CLINT1: variants seen among roughly 807,000 people sequenced by gnomAD.
The protein encoded by CLINT1 is clathrin interactor 1.
CLINT1 carries 15 observed loss-of-function variants against 70.4 expected under a neutral mutation model. That is an observed-to-expected ratio of 0.21 (90% CI 0.14 to 0.33). The LOEUF (loss-of-function observed/expected upper bound fraction) is 0.33, where lower values mean the gene tolerates loss of function less well. Ranked by LOEUF, CLINT1 falls within the 10% of genes least tolerant of loss-of-function variation. The pLI is 1.00. For missense variants in CLINT1, 615 were observed against 778.1 expected, an observed-to-expected ratio of 0.79 and a Z score of 2.49; for synonymous variants, 227 against 254.7, an observed-to-expected ratio of 0.89 and a Z score of 1.04.
intron 1 of CLINT1, among the ~76,000 whole-genome samples, chr5:157,847,885 T>C (rs1168864354): frequency 6.6e-6 from 1 of 152,124 alleles, no homozygotes; most frequent in Non-Finnish European, 1.5e-5. Flanking sequence ...CCATCACTGT[T>C]CACTGCAGCC....
rs1761736775 is a variant in CLINT1 at position 157,786,693 on chromosome 5, C to A, written c.*953G>T. The A allele has an allele frequency of 6.6e-6, 1 of 152,320 alleles. No homozygotes were observed. Among genetic ancestry groups the A allele is most frequent in the African/African-American group, 2.4e-5 (1 of 41,354 alleles). 9.4% of individuals were successfully genotyped at this position (152,320 alleles called of 1,614,324 possible). A position where few individuals can be genotyped will look rare whatever the true frequency, so the allele number is the denominator to read the frequency against. On this transcript the variant is annotated 3_prime_UTR_variant, in exon 12 of 12. Transcript: ENST00000411809. Reference sequence around the variant, plus strand: ...AAACAAAACAAATACTGTATAAAATCTAAAAGCAAACATTGAGTTGTAACA... The same window carrying A: ...AAACAAAACAAATACTGTATAAAATATAAAAGCAAACATTGAGTTGTAACA...
At position 157,859,114 on chromosome 5, in the gene CLINT1, G is replaced by A; in HGVS notation, c.-144C>T. The stretch of plus-strand genomic sequence containing the variant: ...CCAGTCAGCTCCTTCCTTTGCCACA[G>A]CAGCGGCGCCGCCGGTGACACGTCG... On this transcript the variant is annotated 5_prime_UTR_variant, in exon 1 of 12. Transcript: ENST00000411809. 1.3e-6 allele frequency: 1 copy of A among 794,240 alleles called. No homozygotes were observed. 49.2% of individuals were successfully genotyped at this position (794,240 alleles called of 1,614,324 possible).
intron 1 of CLINT1, among the ~76,000 whole-genome samples, chr5:157,828,069 CAT>C (rs961627022): frequency 2.0e-5 from 3 of 152,106 alleles, no homozygotes; most frequent in African/African-American, 4.8e-5. Flanking sequence ...AATGAAATGA[CAT>C]GTGTAAAGCA....
intron 1 of CLINT1, among the ~76,000 whole-genome samples, chr5:157,846,601 AGATC>A (rs1362501489): frequency 6.6e-6 from 1 of 152,234 alleles, no homozygotes; most frequent in Admixed American, 6.5e-5. Context: ...GGTCTAGCTA[AGATC>A]ATCTAATGAA....
intron 11 of CLINT1, among the ~76,000 whole-genome samples, chr5:157,788,841 GC>G (rs1761806098): frequency 6.6e-6 from 1 of 151,894 alleles, no homozygotes; most frequent in Non-Finnish European, 1.5e-5. Flanking sequence ...GGCGGTGCAC[GC>G]CTGTAGTCCC....
intron 10 of CLINT1, chr5:157,791,502 T>A: frequency 1.8e-6 from 1 of 561,632 alleles, no homozygotes; most frequent in Non-Finnish European, 3.1e-6. Flanking sequence ...GGTCTTGCCT[T>A]CCAGAATGCA....
chr5:157,850,084 G>C (rs2113328548), intron 1 of CLINT1, among the ~76,000 whole-genome samples: 1 of 152,346 alleles, frequency 6.6e-6, no homozygotes, highest in East Asian at 1.9e-4. Flanking sequence ...AGGGACAGTG[G>C]TGGGAGAAGA....
rs372173144 is a variant in CLINT1 at position 157,787,978 on chromosome 5, T to A, written c.1546A>T (p.Met516Leu). ...MIQQQNMQQP[M>L]NVMTQSFGAV... ...CCAAAACTTTGAGTCATCACATTCATAGGCTGCTGCATATCTACCAGACGA... is the reference window on the plus strand; with the variant it reads ...CCAAAACTTTGAGTCATCACATTCAAAGGCTGCTGCATATCTACCAGACGA... Residue 516 changes from methionine to leucine, a missense_variant, in exon 12 of 12, where the codon ATG (methionine) becomes TTG (leucine). By Grantham distance (15) the Met-to-Leu change is conservative (BLOSUM62 2). This residue lies in a region of CLINT1 where 374 missense variants were observed against 409.6 expected (regional missense o/e 0.91). Transcript: ENST00000411809. 47 of 1,607,986 alleles carry A rather than the reference T, an allele frequency of 2.9e-5. No homozygotes were observed. The South Asian group carries it at 3.8e-4, about 13-fold the overall frequency.
At chr5:157,795,560 A>G (rs1022334942) in intron 8 of CLINT1, 9 of 152,356 alleles carry the variant, frequency 5.9e-5, no homozygotes, top group African/African-American at 2.2e-4. Context: ...GAAGTATTTT[A>G]GGGGCAAAAT....
At chr5:157,856,616 A>G (rs1753768522) in intron 1 of CLINT1, among the ~76,000 whole-genome samples, 1 of 152,232 alleles carries the variant, frequency 6.6e-6, no homozygotes, top group African/African-American at 2.4e-5. Flanking sequence ...ACGGTTCTGT[A>G]AGATGCTTAC....
At position 157,810,130 on chromosome 5, in the gene CLINT1, G is replaced by A. The variant is rs143476775; in HGVS notation, c.518-325C>T. ...ACCAACACAAGCTATATAAGCAAAA[G>A]AGAAATGAAAATCTTTCTGTTTTCA... is the stretch of plus-strand genomic sequence containing the variant. On this transcript the variant is annotated intron_variant, in intron 5 of 11. Coordinates refer to ENST00000411809, the MANE Select transcript of CLINT1 (RefSeq NM_014666.4). 1.9e-4 allele frequency among the ~76,000 whole-genome samples: 29 copies of A among 152,268 alleles called. No individual in the cohort carries two copies. The East Asian group carries it at 5.4e-3, about 28-fold the overall frequency.
chr5:157,805,048 A>G lies in CLINT1; in HGVS notation c.942+818T>C, dbSNP rs543765112. 7.1e-4 allele frequency among the ~76,000 whole-genome samples: 108 copies of G among 152,354 alleles called. 2 individuals carry two copies. Among genetic ancestry groups the G allele is most frequent in the African/African-American group, 2.5e-3 (102 of 41,584 alleles). On this transcript the variant is annotated intron_variant, in intron 7 of 11. Transcript: ENST00000411809. ...TTTAAAATCCTTTAAGATATGTGAT[A>G]AAAGTCTCTATTATTAAAAAAATTA... is the stretch of plus-strand genomic sequence containing the variant.
chr5:157,794,928 C>G lies in CLINT1; in HGVS notation c.1057G>C (p.Ala353Pro). 6.4e-7 allele frequency: 1 copy of G among 1,558,428 alleles called. No individual in the cohort carries two copies. The highest frequency in any genetic ancestry group is 8.7e-7 in the Non-Finnish European group (1 of 1,150,508). The change falls in exon 9 of 12, where the codon GCT (alanine) becomes CCT (proline). Residue 353 changes from alanine (A) to proline (P), a missense_variant. Coordinates refer to ENST00000411809, the MANE Select transcript of CLINT1 (RefSeq NM_014666.4). ...LFGGFADFGS[A>P]AASGSFPSQV... ...GAAGGGAAACTGCCTGATGCAGCAG[C>G]TGAGCCAAAGTCAGCAAATCCTCCG...
intron 4 of CLINT1, 48 bp from the exon 5 acceptor site, chr5:157,813,275 T>A: frequency 6.7e-7 from 1 of 1,496,672 alleles, no homozygotes; most frequent in Non-Finnish European, 9.0e-7. Flanking sequence ...TCACTTAATA[T>A]GTATCAAGCT....
intron 1 of CLINT1, among the ~76,000 whole-genome samples, chr5:157,836,748 C>T (rs1763437906): frequency 6.6e-6 from 1 of 152,218 alleles, no homozygotes. Flanking sequence ...CACTTTCTTT[C>T]ACTTTCTTCA....
chr5:157,813,977 T>C (rs186604011), intron 4 of CLINT1, among the ~76,000 whole-genome samples: 4 of 152,304 alleles, frequency 2.6e-5, no homozygotes, highest in Admixed American at 2.0e-4. Context: ...CATGTTGTGT[T>C]GGTTCTGTTG....
intron 1 of CLINT1, among the ~76,000 whole-genome samples, chr5:157,820,075 G>A (rs893692056): frequency 3.3e-5 from 5 of 152,150 alleles, no homozygotes; most frequent in Non-Finnish European, 2.9e-5. Context: ...TAGTTATTAA[G>A]TATATCCACA....
At chr5:157,852,021 T>G (rs749176103) in intron 1 of CLINT1, among the ~76,000 whole-genome samples, 24 of 152,224 alleles carry the variant, frequency 1.6e-4, no homozygotes, top group Admixed American at 7.9e-4. Flanking sequence ...TCAAACACCA[T>G]GAATTTGGTA....
chr5:157,791,932 C>G lies in CLINT1; in HGVS notation c.1151G>C (p.Gly384Ala). 2 of 1,613,948 alleles carry G rather than the reference C, an allele frequency of 1.2e-6. No homozygotes were observed. The highest frequency in any genetic ancestry group is 1.7e-6 in the Non-Finnish European group (2 of 1,179,860). Residue 384 changes from glycine to alanine, a missense_variant, in exon 10 of 12, where the codon GGC becomes GCC. Physicochemically the swap from Gly to Ala is moderately conservative, Grantham distance 60. Coordinates refer to ENST00000411809, the MANE Select transcript of CLINT1 (RefSeq NM_014666.4). ...DWSAFNQAPS[G>A]PVASSGEFFG... ...GAACTCGCCACTGGAAGCAACAGGG[C>G]CTGATGGGGCTTGGTTGAAGGCACT...
Sources: allele counts gnomAD v4.1 joint callset (sites outside exome capture counted in the v4.1 genomes callset), GRCh38; gene constraint gnomAD v4.1.1; regional missense constraint gnomAD v4.1.1; transcripts MANE v1.5; gene names NCBI Gene and HGNC (gene_info 2026-07-23, HGNC 2026-07-21).